ANKRD17: variants seen among roughly 807,000 people sequenced by gnomAD.
ANKRD17 encodes ankyrin repeat domain-containing protein 17.
A neutral mutation model predicts 229.7 loss-of-function variants in ANKRD17; 19 were observed. That is an observed-to-expected ratio of 0.08 (90% CI 0.06 to 0.12). The LOEUF (loss-of-function observed/expected upper bound fraction) is 0.12, where lower values mean the gene tolerates loss of function less well. Among genes scored for constraint, ANKRD17 ranks in the 10% least tolerant of loss-of-function variants. ANKRD17 has a pLI of 1.00. For synonymous variants in ANKRD17, 1,112 were observed against 1,146.1 expected, an observed-to-expected ratio of 0.97 and a Z score of 0.60; for missense variants, 2,176 against 3,176.8, an observed-to-expected ratio of 0.68 and a Z score of 7.57.
chr4:73,207,122 C>A (rs565685952), intron 1 of ANKRD17, among the ~76,000 whole-genome samples: 1 of 151,998 alleles, frequency 6.6e-6, no homozygotes, highest in African/African-American at 2.4e-5. Context: ...CCGTGCCCAG[C>A]CAAGAGAGTA....
rs1365526309 is a variant in ANKRD17, at chr4:73,156,112, T to C, written c.759A>G (p.Leu253=). The change falls in exon 4 of 34, where the codon TTA becomes TTG. Residue 253 remains leucine (L), a synonymous_variant. Transcript: ENST00000358602. ...CATTTACACTTCGCCCTTCAATGAG[T>C]AACTTTCGCACAGCATTTACATCTC... ...SEGDVNAVRK[L]LIEGRSVNEH... 1.2e-6 allele frequency: 2 copies of C among 1,613,188 alleles called. No homozygotes were observed. The highest frequency in any genetic ancestry group is 1.3e-5 in the African/African-American group (1 of 74,878).
At chr4:73,171,178 G>GGAGAGAGGGAGAGAGAGA (rs1553928535) in intron 2 of ANKRD17, among the ~76,000 whole-genome samples, 2 of 104,446 alleles carry the variant, frequency 1.9e-5, no homozygotes, top group African/African-American at 8.1e-5. Context: ...CTCAGAGGGG[G>GGAGAGAGGGAGAGAGAGA]GAGAGAGAGA....
At position 73,258,676 on chromosome 4, in the gene ANKRD17, G is replaced by A. The variant is rs1055536774; in HGVS notation, c.-8C>T. On this transcript the variant is annotated 5_prime_UTR_variant, in exon 1 of 34. Transcript: ENST00000358602. ...AACCGTCGCCTTCTCCATCCCCAGGGAAAGAGGGAGGGCGCGGACGGGGGA... is the reference window on the plus strand; with the variant it reads ...AACCGTCGCCTTCTCCATCCCCAGGAAAAGAGGGAGGGCGCGGACGGGGGA... 5 of 1,466,530 alleles carry A rather than the reference G, an allele frequency of 3.4e-6. No individual in the cohort carries two copies. The highest frequency in any genetic ancestry group is 4.5e-6 in the Non-Finnish European group (5 of 1,118,552). The allele number at this position is 1,466,530 out of a possible 1,614,324, so 90.8% of individuals were successfully genotyped here.
rs35591466 is a variant in ANKRD17, at chr4:73,151,484, C to T, written c.1275G>A (p.Ala425=). ...TTTCATCTGTTTTATGCTCTTGATC[C>T]GCGCCTGCTTCCAAAAGAAATCGCA... is the stretch of plus-strand genomic sequence containing the variant. The part of the protein sequence containing the change: ...EMVRFLLEAG[A]DQEHKTDEMH... Residue 425 remains alanine (A), a synonymous_variant, in exon 7 of 34, where the codon GCG becomes GCA. Transcript: ENST00000358602. 17,428 of 1,609,614 alleles carry T rather than the reference C, an allele frequency of 0.011. 117 individuals are homozygous for T. The highest frequency in any genetic ancestry group is 0.012 in the Non-Finnish European group (14,341 of 1,177,930).
At chr4:73,081,323 G>GA (rs1238837895) in intron 30 of ANKRD17, among the ~76,000 whole-genome samples, 1 of 152,128 alleles carries the variant, frequency 6.6e-6, no homozygotes, top group Admixed American at 6.5e-5. Context: ...AAACTGACAA[G>GA]AAACAGACCA....
At chr4:73,191,339 ATATGTG>A (rs201531100) in intron 1 of ANKRD17, among the ~76,000 whole-genome samples, 65 of 60,862 alleles carry the variant, frequency 1.1e-3, no homozygotes, top group African/African-American at 3.1e-3. Context: ...CAAAAAATAT[ATATGTG>A]TGTGTGTGTG....
In ANKRD17 at chr4:73,159,270, A is replaced by G. The variant is rs554435285; in HGVS notation, c.704+1922T>C. On this transcript the variant is annotated intron_variant, in intron 3 of 33. Coordinates refer to ENST00000358602, the MANE Select transcript of ANKRD17 (RefSeq NM_032217.5). ...ATCCTTCCCATAAGACATTTCCTGTATAAGAGCATACCTTTTCTCTCTTTC... is the reference window on the plus strand; with the variant it reads ...ATCCTTCCCATAAGACATTTCCTGTGTAAGAGCATACCTTTTCTCTCTTTC... Among the ~76,000 whole-genome samples, 3 of 152,238 alleles carry G rather than the reference A, an allele frequency of 2.0e-5. No homozygotes were observed. In the South Asian group the frequency reaches 6.2e-4, roughly 31 times the overall value.
In ANKRD17 at chr4:73,091,334, A is replaced by G; in HGVS notation, c.6294T>C (p.Ser2098=). 1 of 1,614,148 alleles carries G rather than the reference A, an allele frequency of 6.2e-7. No individual in the cohort carries two copies. Among genetic ancestry groups the G allele is most frequent in the Non-Finnish European group, 8.5e-7 (1 of 1,180,042 alleles). ...TNTRPPNSSS[S]SGSSSAHSNQ... ...TAGAATGAGCTGATGAACTCCCAGA[A>G]GAACTGCTGCTGTTTGGAGGTCTAG... The change falls in exon 29 of 34, where the codon TCT becomes TCC. Residue 2098 remains serine, a synonymous_variant. Coordinates refer to ENST00000358602, the MANE Select transcript of ANKRD17 (RefSeq NM_032217.5).
At chr4:73,167,365 T>A (rs1733375162) in intron 2 of ANKRD17, among the ~76,000 whole-genome samples, 1 of 151,932 alleles carries the variant, frequency 6.6e-6, no homozygotes, top group Non-Finnish European at 1.5e-5. Context: ...ATAAAGAAAA[T>A]ATAAAAAATA....
chr4:73,083,051 C>A (rs1214793645), intron 30 of ANKRD17, among the ~76,000 whole-genome samples: 1 of 152,116 alleles, frequency 6.6e-6, no homozygotes, highest in African/African-American at 2.4e-5. Context: ...TAATTTTACA[C>A]ACACACAGAG....
Position 73,097,204 on chromosome 4 carries a change from G to T in ANKRD17, c.5090C>A (p.Pro1697His), listed in dbSNP as rs940237009. 1 of 1,612,182 alleles carries T rather than the reference G, an allele frequency of 6.2e-7. No homozygotes were observed. The highest frequency in any genetic ancestry group is 1.3e-5 in the African/African-American group (1 of 74,790). ...TAACTTCCCATTTGGAGAAGAAAGG[G>T]GAGATGGACCAGATTTTGTACAAGT... ...LSTCTKSGPSPLSSPNGKLTV... is the reference protein window; with the variant it reads ...LSTCTKSGPSHLSSPNGKLTV... The change falls in exon 27 of 34, where the codon CCC becomes CAC. Residue 1697 changes from proline (P) to histidine (H), a missense_variant. Pro to His is a moderately conservative substitution (Grantham distance 77, BLOSUM62 -2). This residue lies in a region of ANKRD17 where 98 missense variants were observed against 101.0 expected (regional missense o/e 0.97). Coordinates refer to ENST00000358602, the MANE Select transcript of ANKRD17 (RefSeq NM_032217.5).
At chr4:73,223,027 T>C (rs1337725057) in intron 1 of ANKRD17, 46 of 1,536,060 alleles carry the variant, frequency 3.0e-5, no homozygotes, top group Non-Finnish European at 3.7e-5. Flanking sequence ...GTCTCCACCA[T>C]GTTTTATCAA....
chr4:73,115,037 T>A (rs1725774602), intron 23 of ANKRD17, among the ~76,000 whole-genome samples: 1 of 152,196 alleles, frequency 6.6e-6, no homozygotes, highest in African/African-American at 2.4e-5. Flanking sequence ...AGCCAATTCA[T>A]TCTAAAACTT....
chr4:73,180,383 T>C (rs1230497139), intron 1 of ANKRD17, among the ~76,000 whole-genome samples: 2 of 152,126 alleles, frequency 1.3e-5, no homozygotes, highest in Non-Finnish European at 2.9e-5. Context: ...ACAGAAGATA[T>C]CAAATTTCAA....
chr4:73,097,016 T>C (rs2110197827), intron 27 of ANKRD17, 101 bp downstream of exon 27: 1 of 1,369,790 alleles, frequency 7.3e-7, no homozygotes, highest in African/African-American at 1.5e-5. Flanking sequence ...CATCAGTTTG[T>C]TTGCAACCTT....
intron 29 of ANKRD17, among the ~76,000 whole-genome samples, chr4:73,087,427 C>G (rs1280688419): frequency 6.6e-6 from 1 of 152,126 alleles, no homozygotes; most frequent in Non-Finnish European, 1.5e-5. Context: ...CAAAACATCA[C>G]CTATATGATG....
Position 73,125,196 on chromosome 4 carries a change from C to A in ANKRD17, c.3346+5G>T, listed in dbSNP as rs778548699. 64 of 1,597,106 alleles carry A rather than the reference C, an allele frequency of 4.0e-5. No individual in the cohort carries two copies. Among genetic ancestry groups the A allele is most frequent in the Non-Finnish European group, 5.3e-5 (62 of 1,175,400 alleles). ...TCCAAAAAATAAAACAAAAGTAGGC[C>A]CTACCTTTCTTGTCTCGGTGCTCTA... On this transcript the variant is annotated splice_donor_5th_base_variant and intron_variant, in intron 17 of 33. Coordinates refer to ENST00000358602, the MANE Select transcript of ANKRD17 (RefSeq NM_032217.5).
At chr4:73,145,739 T>C (rs1220109591) in intron 10 of ANKRD17, among the ~76,000 whole-genome samples, 1 of 152,186 alleles carries the variant, frequency 6.6e-6, no homozygotes, top group Non-Finnish European at 1.5e-5. Context: ...ACTTATTATA[T>C]ACGTTCTATT....
At chr4:73,233,280 C>A (rs1270828758) in intron 1 of ANKRD17, among the ~76,000 whole-genome samples, 1 of 151,960 alleles carries the variant, frequency 6.6e-6, no homozygotes, top group African/African-American at 2.4e-5. Flanking sequence ...CGAGCACTGA[C>A]CCCTTCGTTT....
Sources: gnomAD v4.1 joint callset for allele counts (sites outside exome capture counted in the v4.1 genomes callset) on GRCh38, gnomAD v4.1.1 for gene constraint, gnomAD v4.1.1 regional missense constraint, MANE v1.5 for transcripts, NCBI Gene and HGNC (gene_info 2026-07-23, HGNC 2026-07-21) for gene names.